Variants in CD160 observed in about 807,000 individuals in gnomAD.
CD160 encodes CD160 molecule, also known as CD160 antigen.
CD160 carries 11 observed loss-of-function variants against 19.2 expected under a neutral mutation model. The observed-to-expected ratio is 0.57, with a 90% CI of 0.36 to 0.95. The LOEUF (loss-of-function observed/expected upper bound fraction) is 0.95, where lower values mean the gene tolerates loss of function less well. CD160 is among the 40% of genes least tolerant of loss of function. The pLI is 0.01. For missense variants in CD160, 182 were observed against 213.2 expected, an observed-to-expected ratio of 0.85 and a Z score of 0.91; for synonymous variants, 75 against 81.1, an observed-to-expected ratio of 0.93 and a Z score of 0.40.
chr1:145,725,129 A>ACAGCAGC (rs1369385134), intron 2 of CD160, among the ~76,000 whole-genome samples: 1 of 151,808 alleles, frequency 6.6e-6, no homozygotes, highest in African/African-American at 2.4e-5. Flanking sequence ...TGAAAAGAAT[A>ACAGCAGC]ACATACTAGG....
At chr1:145,720,359 C>T (rs1156790137) in intron 1 of CD160, among the ~76,000 whole-genome samples, 1 of 152,164 alleles carries the variant, frequency 6.6e-6, no homozygotes, top group Non-Finnish European at 1.5e-5. Flanking sequence ...CATATGCCTT[C>T]CCAGACCACC....
intron 1 of CD160, among the ~76,000 whole-genome samples, chr1:145,721,361 CG>C (rs2101361652): frequency 6.6e-6 from 1 of 152,286 alleles, no homozygotes; most frequent in Non-Finnish European, 1.5e-5. Context: ...TCAGCGCCGC[CG>C]GCTCCGCGCT....
At position 145,736,079 on chromosome 1, in the gene CD160, C is replaced by T. The variant is rs201498857; in HGVS notation, c.483C>T (p.Gly161=). 347 of 1,614,122 alleles carry T rather than the reference C, an allele frequency of 2.1e-4. No homozygotes were observed. Among genetic ancestry groups the T allele is most frequent in the Admixed American group, 3.0e-4 (18 of 60,016 alleles). Residue 161 remains glycine, a synonymous_variant, in exon 5 of 6, where the codon GGC becomes GGT. Coordinates refer to ENST00000369288, the MANE Select transcript of CD160 (RefSeq NM_007053.4). ...ATAATGAAGGCACTCTCAGTTCAGG[C>T]TTCCTACAAGAAAAGGTCTGGGTAA... ...FSHNEGTLSS[G]FLQEKVWVML... is the part of the protein sequence containing the mutation.
chr1:145,733,725 T>G (rs1408977570), intron 4 of CD160, among the ~76,000 whole-genome samples: 1 of 152,168 alleles, frequency 6.6e-6, no homozygotes, highest in Non-Finnish European at 1.5e-5. Context: ...TCTACCCACC[T>G]GGCTGTTCTT....
At chr1:145,722,989 C>T (rs1271205554) in intron 1 of CD160, among the ~76,000 whole-genome samples, 4 of 152,162 alleles carry the variant, frequency 2.6e-5, no homozygotes, top group African/African-American at 9.7e-5. Context: ...TGAATAATTG[C>T]AATCCTTCTT....
chr1:145,734,036 C>G (rs1276192502), intron 4 of CD160, among the ~76,000 whole-genome samples: 1 of 152,158 alleles, frequency 6.6e-6, no homozygotes, highest in East Asian at 1.9e-4. Flanking sequence ...ATGACGGAGT[C>G]AACTTTGGTT....
At chr1:145,719,858 G>A (rs1191973182) in intron 1 of CD160, among the ~76,000 whole-genome samples, 1 of 152,204 alleles carries the variant, frequency 6.6e-6, no homozygotes, top group Non-Finnish European at 1.5e-5. Flanking sequence ...AGCTCTTCAA[G>A]GATTGGCCTG....
chr1:145,728,502 T>A, intron 3 of CD160, 102 bp downstream of exon 3: 4 of 9,318 alleles, frequency 4.3e-4, no homozygotes, highest in African/African-American at 1.4e-3. Context: ...CAAAGGACTC[T>A]TTTTTTTTTT....
chr1:145,720,491 G>A (rs1656789169), intron 1 of CD160, among the ~76,000 whole-genome samples: 1 of 152,162 alleles, frequency 6.6e-6, no homozygotes, highest in South Asian at 2.1e-4. Flanking sequence ...TAACAAGTCT[G>A]GTTCTACTTT....
At position 145,738,574 on chromosome 1, in the gene CD160, G is replaced by T; in HGVS notation, c.*81G>T. ...GCTTAGTATCTTTCTCATTACAATA[G>T]GCACAGAGAAGAATGCAACAGGGCA... On this transcript the variant is annotated 3_prime_UTR_variant, in exon 6 of 6. Coordinates refer to ENST00000369288, the MANE Select transcript of CD160 (RefSeq NM_007053.4). 1 of 914,866 alleles carries T rather than the reference G, an allele frequency of 1.1e-6. No homozygotes were observed. The highest frequency in any genetic ancestry group is 4.3e-5 in the South Asian group (1 of 23,374). The allele number at this position is 914,866 out of a possible 1,614,324, so 56.7% of individuals were successfully genotyped here.
At chr1:145,722,819 C>T (rs1245783907) in intron 1 of CD160, among the ~76,000 whole-genome samples, 1 of 152,106 alleles carries the variant, frequency 6.6e-6, no homozygotes, top group Admixed American at 6.5e-5. Flanking sequence ...TGGTCTCGAT[C>T]TCCTGACCTC....
At position 145,728,401 on chromosome 1, in the gene CD160, G is replaced by T. The variant is rs1657141484; in HGVS notation, c.73+1G>T. The T allele has an allele frequency of 6.2e-7, 1 of 1,605,624 alleles. No individual in the cohort carries two copies. On this transcript the variant is annotated splice_donor_variant, in intron 3 of 5. Transcript: ENST00000369288. LOFTEE classifies it high-confidence loss of function. ...GCAATTGTGGACATCCAGTCTGGTGGTGAGGATAGACCCTAGAGCAGAGAC... is the reference window on the plus strand; with the variant it reads ...GCAATTGTGGACATCCAGTCTGGTGTTGAGGATAGACCCTAGAGCAGAGAC...
chr1:145,731,004 T>A lies in CD160; in HGVS notation c.334T>A (p.Cys112Ser), dbSNP rs782449117. Residue 112 changes from cysteine (C) to serine (S), a missense_variant, in exon 4 of 6, where the codon TGT becomes AGT. Transcript: ENST00000369288. ...ACCGTTGCACAGTGGGACCTACCAG[T>A]GTTGTGCCAGAAGCCAGAAGTCAGG... ...VTPLHSGTYQ[C>S]CARSQKSGIR... The A allele has an allele frequency of 5.6e-6, 9 of 1,614,020 alleles. No homozygotes were observed. Among genetic ancestry groups the A allele is most frequent in the Admixed American group, 3.3e-5 (2 of 60,002 alleles).
intron 1 of CD160, among the ~76,000 whole-genome samples, chr1:145,722,208 A>C (rs1656877525): frequency 6.6e-6 from 1 of 152,234 alleles, no homozygotes; most frequent in African/African-American, 2.4e-5. Context: ...CATAGCTATC[A>C]TTTATTGAGC....
At chr1:145,736,349 G>A in intron 5 of CD160, 1 of 1,418,218 alleles carries the variant, frequency 7.1e-7, no homozygotes, top group Non-Finnish European at 9.5e-7. Context: ...TTTTCAATGG[G>A]TAGGAGGTAA....
At chr1:145,728,973 A>G (rs1657175383) in intron 3 of CD160, among the ~76,000 whole-genome samples, 1 of 152,094 alleles carries the variant, frequency 6.6e-6, no homozygotes, top group African/African-American at 2.4e-5. Flanking sequence ...AGATACTGCA[A>G]TCTTCATTAA....
intron 3 of CD160, among the ~76,000 whole-genome samples, chr1:145,729,063 C>T (rs1427404991): frequency 6.6e-5 from 10 of 152,166 alleles, no homozygotes; most frequent in African/African-American, 2.4e-4. Context: ...CCCTCTATGG[C>T]TATACTGAGG....
At chr1:145,735,656 CTT>C (rs1657457217) in intron 4 of CD160, among the ~76,000 whole-genome samples, 1 of 152,136 alleles carries the variant, frequency 6.6e-6, no homozygotes, top group Non-Finnish European at 1.5e-5. Flanking sequence ...AAGATTTTAA[CTT>C]ATGCTAGATT....
At chr1:145,728,661 C>G (rs1657159971) in intron 3 of CD160, among the ~76,000 whole-genome samples, 1 of 151,896 alleles carries the variant, frequency 6.6e-6, no homozygotes, top group Non-Finnish European at 1.5e-5. Context: ...ATGCCGCCAC[C>G]GCCGGCTAAT....
Sources: allele counts gnomAD v4.1 joint callset (sites outside exome capture counted in the v4.1 genomes callset), GRCh38; gene constraint gnomAD v4.1.1; transcripts MANE v1.5; gene names NCBI Gene and HGNC (gene_info 2026-07-23, HGNC 2026-07-21).